Variants in RGS6 observed in about 807,000 individuals in gnomAD.
The protein encoded by RGS6 is regulator of G-protein signaling 6.
In RGS6, 30 loss-of-function variants were observed where a neutral mutation model predicts 78.5. The observed-to-expected ratio is 0.38, with a 90% CI of 0.29 to 0.52. The LOEUF is 0.52. Among genes scored for constraint, RGS6 ranks in the 20% least tolerant of loss-of-function variants. The probability of loss-of-function intolerance (pLI) is 0.85; values close to 1 mark genes in which losing one functional copy is unlikely to be tolerated. For synonymous variants in RGS6, 206 were observed against 206.0 expected (o/e 1.00, Z 0.00); for missense variants, 495 against 609.7 (o/e 0.81, Z 1.98).
chr14:72,271,632 T>C (rs1915129), intron 2 of RGS6, among the ~76,000 whole-genome samples: 79,011 of 151,682 alleles, frequency 0.52, 21,212 homozygotes, highest in Non-Finnish European at 0.58. Flanking sequence ...TTGTGAGCAG[T>C]CATTCCAACT....
At chr14:72,171,345 A>G (rs1318309285) in intron 2 of RGS6, among the ~76,000 whole-genome samples, 1 of 152,184 alleles carries the variant, frequency 6.6e-6, no homozygotes, top group Non-Finnish European at 1.5e-5. Flanking sequence ...TATTTGCTGC[A>G]AAAATTCAAG....
intron 2 of RGS6, among the ~76,000 whole-genome samples, chr14:72,039,284 G>A (rs568085094): frequency 3.9e-5 from 6 of 152,228 alleles, no homozygotes; most frequent in Admixed American, 2.6e-4. Flanking sequence ...TCCTGTACCC[G>A]CAAAGATAAG....
chr14:72,586,619 C>T, the RGS6 span, among the ~76,000 whole-genome samples: 1 of 152,060 alleles, frequency 6.6e-6, no homozygotes, highest in Non-Finnish European at 1.5e-5. Flanking sequence ...TCAGAAAGGC[C>T]TCTTTAATCT....
intron 1 of RGS6, among the ~76,000 whole-genome samples, chr14:71,948,083 A>G (rs1200059978): frequency 6.6e-6 from 1 of 152,232 alleles, no homozygotes; most frequent in Non-Finnish European, 1.5e-5. Flanking sequence ...AGCTGGATCC[A>G]GGGACTTAGA....
chr14:72,064,702 G>A (rs2094053523), intron 2 of RGS6, among the ~76,000 whole-genome samples: 1 of 152,204 alleles, frequency 6.6e-6, no homozygotes, highest in Non-Finnish European at 1.5e-5. Flanking sequence ...GATAAAACTG[G>A]AAGATAAAGT....
chr14:72,029,992 C>T (rs149989222), intron 2 of RGS6, among the ~76,000 whole-genome samples: 13 of 152,290 alleles, frequency 8.5e-5, no homozygotes, highest in Non-Finnish European at 4.4e-5. Flanking sequence ...TTCTTTGATT[C>T]TTATCCTGTC....
At chr14:71,979,542 A>G (rs1183146874) in intron 2 of RGS6, among the ~76,000 whole-genome samples, 4 of 152,108 alleles carry the variant, frequency 2.6e-5, no homozygotes, top group Non-Finnish European at 5.9e-5. Flanking sequence ...ATTCAGGAGC[A>G]GGTTGTTCAG....
chr14:72,178,960 C>A (rs139194567), intron 2 of RGS6, among the ~76,000 whole-genome samples: 3 of 152,174 alleles, frequency 2.0e-5, no homozygotes, highest in African/African-American at 7.2e-5. Flanking sequence ...TCCTTACTGA[C>A]GGTTTCTAGA....
chr14:72,392,737 C>G (rs74060789), intron 3 of RGS6, among the ~76,000 whole-genome samples: 2,055 of 152,292 alleles, frequency 0.013, 53 homozygotes, highest in African/African-American at 0.045. Flanking sequence ...TGACACTTTG[C>G]AAGCCACCCA....
chr14:72,184,813 T>A (rs1204796405), intron 2 of RGS6, among the ~76,000 whole-genome samples: 1 of 152,242 alleles, frequency 6.6e-6, no homozygotes, highest in East Asian at 1.9e-4. Context: ...TTCTGTTAAA[T>A]GTATTTATAT....
At chr14:72,434,336 C>CT (rs1319926073) in intron 3 of RGS6, among the ~76,000 whole-genome samples, 1 of 152,186 alleles carries the variant, frequency 6.6e-6, no homozygotes, top group Non-Finnish European at 1.5e-5. Context: ...GACCCTGTCT[C>CT]TAAAAAGTTT....
intron 2 of RGS6, among the ~76,000 whole-genome samples, chr14:71,991,493 C>G (rs912690683): frequency 6.6e-6 from 1 of 152,186 alleles, no homozygotes; most frequent in Non-Finnish European, 1.5e-5. Flanking sequence ...TCAATTAAAA[C>G]AGGTTATTTC....
chr14:72,289,933 G>C (rs2063279631), intron 2 of RGS6, among the ~76,000 whole-genome samples: 1 of 152,226 alleles, frequency 6.6e-6, no homozygotes, highest in Non-Finnish European at 1.5e-5. Context: ...TGTCAGAACT[G>C]TTGTTTTCCC....
At chr14:71,965,712 G>A (rs755636167) in intron 2 of RGS6, among the ~76,000 whole-genome samples, 1 of 152,164 alleles carries the variant, frequency 6.6e-6, no homozygotes, top group South Asian at 2.1e-4. Flanking sequence ...TATGACTGTT[G>A]CCCCATTGTG....
intron 2 of RGS6, among the ~76,000 whole-genome samples, chr14:72,144,664 C>T (rs1050840269): frequency 6.6e-6 from 1 of 152,224 alleles, no homozygotes; most frequent in Admixed American, 6.5e-5. Context: ...TAGCTACAAG[C>T]TGGGAACAGA....
At chr14:72,164,764 G>A (rs560086561) in intron 2 of RGS6, among the ~76,000 whole-genome samples, 18 of 152,128 alleles carry the variant, frequency 1.2e-4, no homozygotes, top group African/African-American at 2.2e-4. Context: ...TGGTGATAAC[G>A]CTTAACTAGT....
At chr14:72,375,418 C>T (rs1239243168) in intron 3 of RGS6, among the ~76,000 whole-genome samples, 1 of 152,132 alleles carries the variant, frequency 6.6e-6, no homozygotes, top group East Asian at 1.9e-4. Context: ...ACCTGTGTTC[C>T]AAGCCTGAGA....
intron 2 of RGS6, among the ~76,000 whole-genome samples, chr14:72,267,838 A>G (rs2059314718): frequency 6.6e-6 from 1 of 152,198 alleles, no homozygotes. Context: ...AAAAAAATGT[A>G]TTTTTGTCCT....
chr14:71,980,591 CCA>C lies in RGS6; in HGVS notation c.84+15718_84+15719del, dbSNP rs1359294746. Among the ~76,000 whole-genome samples the C allele has an allele frequency of 2.8e-5, 2 of 72,240 alleles. 1 individual carries two copies. The highest frequency in any genetic ancestry group is 5.5e-5 in the Non-Finnish European group (2 of 36,330). 47.4% of individuals were successfully genotyped at this position (72,240 alleles called of 152,430 possible). On this transcript the variant is annotated intron_variant, in intron 2 of 17. Transcript: ENST00000553525. ...CTTTAAGAATGTTGAATATTGGCCC[CCA>C]CTCTCTTCTGGCTTGTAGGGTTTCT...
Sources: gnomAD v4.1 joint callset for allele counts (sites outside exome capture counted in the v4.1 genomes callset) on GRCh38, gnomAD v4.1.1 for gene constraint, MANE v1.5 for transcripts, NCBI Gene and HGNC (gene_info 2026-07-23, HGNC 2026-07-21) for gene names.